Variants in MACROD2 observed in about 807,000 individuals in gnomAD.
The protein encoded by MACROD2 is ADP-ribose glycohydrolase MACROD2.
Under a neutral mutation model 70.4 loss-of-function variants are expected in MACROD2, and 36 were observed. The ratio of observed to expected loss-of-function variants is 0.51; its 90% CI spans 0.39 to 0.68. MACROD2 has a LOEUF of 0.68. MACROD2 is among the 30% of genes least tolerant of loss of function. MACROD2 has a pLI of 0.00. For missense variants in MACROD2, 496 were observed against 538.4 expected, an observed-to-expected ratio of 0.92 and a Z score of 0.78; for synonymous variants, 172 against 178.8, an observed-to-expected ratio of 0.96 and a Z score of 0.30.
chr20:14,477,446 G>GAAAC, intron 3 of MACROD2, among the ~76,000 whole-genome samples: 1 of 152,128 alleles, frequency 6.6e-6, no homozygotes, highest in African/African-American at 2.4e-5. Context: ...TGTAGCACAA[G>GAAAC]ATTTTACATA....
chr20:14,374,598 T>C (rs969489539), intron 3 of MACROD2, among the ~76,000 whole-genome samples: 36 of 152,042 alleles, frequency 2.4e-4, no homozygotes, highest in African/African-American at 8.5e-4. Flanking sequence ...GATAGAAAGA[T>C]TTTTTTATAA....
chr20:15,482,629 G>A (rs1351863352), intron 7 of MACROD2, among the ~76,000 whole-genome samples: 1 of 152,146 alleles, frequency 6.6e-6, no homozygotes. Context: ...ATTGAGTTTT[G>A]TAAGAAACTG....
At chr20:15,439,765 AG>A (rs1568809123) in intron 7 of MACROD2, among the ~76,000 whole-genome samples, 2 of 152,190 alleles carry the variant, frequency 1.3e-5, no homozygotes, top group Non-Finnish European at 2.9e-5. Flanking sequence ...TGACGTTTCC[AG>A]GATGGTTCCA....
At chr20:15,860,073 G>A (rs1193488865) in intron 8 of MACROD2, among the ~76,000 whole-genome samples, 1 of 151,964 alleles carries the variant, frequency 6.6e-6, no homozygotes, top group East Asian at 1.9e-4. Context: ...AGGCGGAGGT[G>A]GCAGTGAGCT....
chr20:14,985,030 G>T (rs1017031872), intron 5 of MACROD2, among the ~76,000 whole-genome samples: 1 of 152,096 alleles, frequency 6.6e-6, no homozygotes, highest in African/African-American at 2.4e-5. Flanking sequence ...TACTTCACAC[G>T]GCCATTCTGA....
At chr20:14,729,082 G>T (rs1004720384) in intron 5 of MACROD2, among the ~76,000 whole-genome samples, 1 of 152,002 alleles carries the variant, frequency 6.6e-6, no homozygotes, top group African/African-American at 2.4e-5. Flanking sequence ...TAATTGTTTA[G>T]TATCACATAA....
At chr20:14,557,296 T>C (rs1312199899) in intron 4 of MACROD2, among the ~76,000 whole-genome samples, 1 of 151,886 alleles carries the variant, frequency 6.6e-6, no homozygotes, top group African/African-American at 2.4e-5. Flanking sequence ...AGGTGTAAAA[T>C]TCATGACCTT....
intron 5 of MACROD2, among the ~76,000 whole-genome samples, chr20:15,188,487 C>A (rs2076548207): frequency 6.6e-6 from 1 of 152,186 alleles, no homozygotes; most frequent in Admixed American, 6.5e-5. Flanking sequence ...TTTGTGCTAG[C>A]AGTTTCCCTT....
chr20:14,937,724 C>T (rs1389971591), intron 5 of MACROD2, among the ~76,000 whole-genome samples: 10 of 152,046 alleles, frequency 6.6e-5, no homozygotes, highest in African/African-American at 9.7e-5. Flanking sequence ...TTGAAATATA[C>T]AATAGATTAT....
intron 8 of MACROD2, among the ~76,000 whole-genome samples, chr20:15,610,989 A>ATATTTTTT: frequency 1.3e-5 from 1 of 79,888 alleles, no homozygotes; most frequent in African/African-American, 6.1e-5. Flanking sequence ...TTAGCCAAAA[A>ATATTTTTT]TCTTTTTTTT....
chr20:14,721,794 A>T (rs77461432), intron 5 of MACROD2, among the ~76,000 whole-genome samples: 1 of 152,152 alleles, frequency 6.6e-6, no homozygotes, highest in Non-Finnish European at 1.5e-5. Context: ...TCATTATGCT[A>T]CCTTAAGACA....
intron 4 of MACROD2, among the ~76,000 whole-genome samples, chr20:14,505,748 C>T (rs370247610): frequency 6.6e-6 from 1 of 152,078 alleles, no homozygotes; most frequent in East Asian, 1.9e-4. Flanking sequence ...ATCTGGGGAC[C>T]ACACTTTAAG....
chr20:14,302,065 C>G (rs1185860158), intron 3 of MACROD2, among the ~76,000 whole-genome samples: 2 of 152,184 alleles, frequency 1.3e-5, no homozygotes, highest in Non-Finnish European at 2.9e-5. Flanking sequence ...GAATTACTGT[C>G]TTAAAACAAC....
intron 6 of MACROD2, among the ~76,000 whole-genome samples, chr20:15,354,749 AATTG>A (rs1292561331): frequency 6.6e-6 from 1 of 152,152 alleles, no homozygotes; most frequent in Non-Finnish European, 1.5e-5. Flanking sequence ...CTTTCACTGA[AATTG>A]ATGGATTATT....
At chr20:15,259,193 A>ACAACAG (rs1271375110) in intron 6 of MACROD2, among the ~76,000 whole-genome samples, 86 of 152,092 alleles carry the variant, frequency 5.7e-4, no homozygotes, top group African/African-American at 2.0e-3. Context: ...AACAACAACA[A>ACAACAG]CAACAACAAA....
intron 3 of MACROD2, among the ~76,000 whole-genome samples, chr20:14,191,050 C>A (rs950322457): frequency 3.3e-5 from 5 of 151,996 alleles, no homozygotes; most frequent in Non-Finnish European, 5.9e-5. Flanking sequence ...TCATTTTATC[C>A]TGGTTGGTTT....
intron 1 of MACROD2, among the ~76,000 whole-genome samples, chr20:13,996,074 C>T (rs906832706): frequency 4.6e-5 from 7 of 152,204 alleles, no homozygotes; most frequent in African/African-American, 1.7e-4. Context: ...GTCACCTTCT[C>T]CCGAGGCGGT....
chr20:15,225,082 G>T (rs1348678479), intron 5 of MACROD2, among the ~76,000 whole-genome samples: 2 of 151,608 alleles, frequency 1.3e-5, no homozygotes, highest in African/African-American at 4.8e-5. Flanking sequence ...TGCTGGCCAT[G>T]TAGGAAAAAA....
At chr20:15,294,276 C>T (rs962658893) in intron 6 of MACROD2, among the ~76,000 whole-genome samples, 22 of 152,078 alleles carry the variant, frequency 1.4e-4, no homozygotes, top group African/African-American at 2.4e-4. Context: ...TCCAGGTGAC[C>T]TCTTTCCCAC....
Sources: gnomAD v4.1 joint callset for allele counts (sites outside exome capture counted in the v4.1 genomes callset) on GRCh38, gnomAD v4.1.1 for gene constraint, MANE v1.5 for transcripts, NCBI Gene and HGNC (gene_info 2026-07-23, HGNC 2026-07-21) for gene names.